RELN: variants seen among roughly 807,000 people sequenced by gnomAD.
RELN encodes reelin.
A neutral mutation model predicts 427.6 loss-of-function variants in RELN; 108 were observed. The observed-to-expected ratio is 0.25, with a 90% CI of 0.22 to 0.30. RELN has a LOEUF of 0.30. Ranked by LOEUF, RELN falls within the 10% of genes least tolerant of loss-of-function variation. The pLI is 1.00. For synonymous variants in RELN, 1,524 were observed against 1,513.4 expected, an observed-to-expected ratio of 1.01 and a Z score of -0.16; for missense variants, 3,715 against 4,302.8, an observed-to-expected ratio of 0.86 and a Z score of 3.82.
intron 20 of RELN, among the ~76,000 whole-genome samples, chr7:103,625,496 A>C (rs2117323173): frequency 6.6e-6 from 1 of 152,196 alleles, no homozygotes; most frequent in East Asian, 1.9e-4. Context: ...AAAGTTGCTC[A>C]TTATGTGGAC....
At position 103,988,610 on chromosome 7, in the gene RELN, C is replaced by G. The variant is rs1216704741; in HGVS notation, c.226+521G>C. Among the ~76,000 whole-genome samples the G allele has an allele frequency of 3.3e-5, 5 of 152,284 alleles. No homozygotes were observed. The East Asian group carries it at 9.7e-4, about 29-fold the overall frequency. ...ATGACACTGAATGAAATGCCAGGGA[C>G]TCCTGGCTGGTGAGCAGCGGGAACT... On this transcript the variant is annotated intron_variant, in intron 1 of 64. Coordinates refer to ENST00000428762, the MANE Select transcript of RELN (RefSeq NM_005045.4). The surrounding 1 kb of genome is among the most constrained non-coding windows in gnomAD (Gnocchi z 4.9).
chr7:103,859,696 G>A (rs576134984), intron 2 of RELN, among the ~76,000 whole-genome samples: 6 of 152,190 alleles, frequency 3.9e-5, no homozygotes, highest in Admixed American at 3.3e-4. Context: ...CAATTTCATT[G>A]CATTCCCCAT....
At chr7:103,629,051 C>T (rs1177492912) in intron 20 of RELN, among the ~76,000 whole-genome samples, 1 of 152,172 alleles carries the variant, frequency 6.6e-6, no homozygotes, top group Non-Finnish European at 1.5e-5. Flanking sequence ...CTGCAGTTTC[C>T]TGTAGTTGCA....
At chr7:103,758,618 A>G (rs917255298) in intron 4 of RELN, among the ~76,000 whole-genome samples, 2 of 151,440 alleles carry the variant, frequency 1.3e-5, no homozygotes, top group African/African-American at 4.9e-5. Flanking sequence ...TTAATTTCAT[A>G]AGTCAAATCC....
Position 103,523,396 on chromosome 7 carries a change from G to T in RELN, c.7485C>A (p.Asn2495Lys). The T allele has an allele frequency of 6.2e-7, 1 of 1,614,140 alleles. No homozygotes were observed. Among genetic ancestry groups the T allele is most frequent in the East Asian group, 2.2e-5 (1 of 44,874 alleles). Residue 2495 changes from asparagine (N) to lysine (K), a missense_variant, in exon 47 of 65, where the codon AAC (asparagine) becomes AAA (lysine). Physicochemically the swap from Asn to Lys is moderately conservative, Grantham distance 94 (BLOSUM62 0). Coordinates refer to ENST00000428762, the MANE Select transcript of RELN (RefSeq NM_005045.4). ...CSGHGRCIQG[N>K]CVCDEQWGGL... Reference sequence around the variant, plus strand: ...GAAGAAAAAAACCGACTTACACGCAGTTTCCCTGGATGCATCTCCCATGGC... The same window carrying T: ...GAAGAAAAAAACCGACTTACACGCATTTTCCCTGGATGCATCTCCCATGGC...
At chr7:103,533,235 C>G (rs749201284) in intron 46 of RELN, among the ~76,000 whole-genome samples, 2 of 152,210 alleles carry the variant, frequency 1.3e-5, no homozygotes, top group Non-Finnish European at 2.9e-5. Flanking sequence ...GAGCACATGT[C>G]TTTAAGTTGT....
chr7:103,712,039 C>A (rs1321565931), intron 8 of RELN, among the ~76,000 whole-genome samples: 1 of 152,108 alleles, frequency 6.6e-6, no homozygotes, highest in Non-Finnish European at 1.5e-5. Context: ...GGGACTCAAG[C>A]CAGAGAGAAC....
At chr7:103,593,447 C>T (rs1166432930) in intron 27 of RELN, among the ~76,000 whole-genome samples, 1 of 152,114 alleles carries the variant, frequency 6.6e-6, no homozygotes, top group Non-Finnish European at 1.5e-5. Flanking sequence ...GGTAGAGTTC[C>T]TTGAGTACCT....
chr7:103,501,670 C>A lies in RELN; in HGVS notation c.8490-748G>T, dbSNP rs930731686. ...GTTACACAACTAAAAACTCATTGAT[C>A]TGAACAATTAAGATGTATGTATTTT... On this transcript the variant is annotated intron_variant, in intron 52 of 64. Transcript: ENST00000428762. 5.5e-4 allele frequency among the ~76,000 whole-genome samples: 84 copies of A among 152,192 alleles called. 1 individual carries two copies. The highest frequency in any genetic ancestry group is 2.0e-3 in the African/African-American group (83 of 41,530).
At chr7:103,812,155 T>A (rs969056830) in intron 3 of RELN, among the ~76,000 whole-genome samples, 13 of 152,142 alleles carry the variant, frequency 8.5e-5, no homozygotes, top group Non-Finnish European at 1.5e-5. Context: ...CAGGTGACTT[T>A]CACTAACCTG....
intron 2 of RELN, among the ~76,000 whole-genome samples, chr7:103,846,808 A>G (rs1793689403): frequency 6.6e-6 from 1 of 152,140 alleles, no homozygotes; most frequent in African/African-American, 2.4e-5. Context: ...TGGTCAACAA[A>G]TATAAATAAA....
At chr7:103,759,354 T>C (rs1303204000) in intron 4 of RELN, among the ~76,000 whole-genome samples, 6 of 152,162 alleles carry the variant, frequency 3.9e-5, no homozygotes, top group African/African-American at 9.6e-5. Context: ...CAAGGCTTGA[T>C]TGAGCCTAAC....
At chr7:103,789,637 C>T (rs937091713) in intron 3 of RELN, among the ~76,000 whole-genome samples, 3 of 152,102 alleles carry the variant, frequency 2.0e-5, no homozygotes, top group Non-Finnish European at 4.4e-5. Flanking sequence ...AATGAGATAC[C>T]ATCTCACACC....
chr7:103,783,446 G>C (rs1464091121), intron 3 of RELN, among the ~76,000 whole-genome samples: 2 of 152,048 alleles, frequency 1.3e-5, no homozygotes, highest in African/African-American at 2.4e-5. Flanking sequence ...ATAAGCAAAG[G>C]ATTCTGTATG....
At chr7:103,778,789 A>G (rs1189271398) in intron 3 of RELN, among the ~76,000 whole-genome samples, 3 of 152,224 alleles carry the variant, frequency 2.0e-5, no homozygotes, top group East Asian at 3.8e-4. Flanking sequence ...AACCTTTAAG[A>G]TCATCTGGTC....
chr7:103,690,347 T>G (rs559822798), intron 10 of RELN, among the ~76,000 whole-genome samples: 80 of 152,170 alleles, frequency 5.3e-4, no homozygotes, highest in African/African-American at 1.9e-3. Flanking sequence ...CTCACAGAGC[T>G]GGTGCACTAG....
intron 43 of RELN, among the ~76,000 whole-genome samples, chr7:103,541,966 A>C (rs1353661842): frequency 6.6e-6 from 1 of 152,258 alleles, no homozygotes; most frequent in Non-Finnish European, 1.5e-5. Flanking sequence ...GATGTATTCT[A>C]AGATACTCTG....
intron 6 of RELN, among the ~76,000 whole-genome samples, chr7:103,741,945 T>C (rs921945471): frequency 2.0e-5 from 3 of 152,122 alleles, no homozygotes; most frequent in Non-Finnish European, 4.4e-5. Flanking sequence ...CAGCTTGAGA[T>C]CTGAGAACGG....
chr7:103,916,204 G>A (rs1456150404), intron 2 of RELN, among the ~76,000 whole-genome samples: 1 of 152,212 alleles, frequency 6.6e-6, no homozygotes, highest in Middle Eastern at 3.4e-3. Context: ...GCTGGGACTT[G>A]ACACTTCATA....
Sources: allele counts gnomAD v4.1 joint callset (sites outside exome capture counted in the v4.1 genomes callset), GRCh38; gene constraint gnomAD v4.1.1; non-coding constraint Gnocchi (gnomAD v3.1); transcripts MANE v1.5; gene names NCBI Gene and HGNC (gene_info 2026-07-23, HGNC 2026-07-21).